Variants in PATJ observed in about 807,000 individuals in gnomAD.
The protein encoded by PATJ is PATJ crumbs cell polarity complex component.
In PATJ, 190 loss-of-function variants were observed where a neutral mutation model predicts 224.9. That is an observed-to-expected ratio of 0.84 (90% CI 0.75 to 0.95). The LOEUF (loss-of-function observed/expected upper bound fraction) is 0.95, where lower values mean the gene tolerates loss of function less well. Ranked by LOEUF, PATJ falls within the 40% of genes least tolerant of loss-of-function variation. PATJ has a pLI of 0.00. For synonymous variants in PATJ, 769 were observed against 820.3 expected (o/e 0.94, Z 1.07); for missense variants, 2,121 against 2,270.3 (o/e 0.93, Z 1.34).
At chr1:61,959,440 T>TATATATAATATATATATATATATA (rs1680943874) in intron 27 of PATJ, among the ~76,000 whole-genome samples, 3 of 72,480 alleles carry the variant, frequency 4.1e-5, no homozygotes, top group Non-Finnish European at 5.4e-5. Context: ...TTTTCTTTTC[T>TATATATAATATATATATATATATA]TTTTTTTTTT....
intron 26 of PATJ, 38 bp downstream of exon 26, chr1:61,914,702 G>GT: frequency 7.3e-7 from 1 of 1,370,088 alleles, no homozygotes; most frequent in Non-Finnish European, 1.0e-6. Flanking sequence ...AAATGTTTTT[G>GT]TTTTGTTTTT....
chr1:61,854,156 G>A (rs540142129), intron 17 of PATJ, among the ~76,000 whole-genome samples: 13 of 152,096 alleles, frequency 8.5e-5, no homozygotes, highest in Non-Finnish European at 1.5e-4. Context: ...AGACATAGCC[G>A]GGAACTTGGC....
At chr1:61,901,559 T>G in intron 24 of PATJ, 100 bp downstream of exon 24, 1 of 781,356 alleles carries the variant, frequency 1.3e-6, no homozygotes, top group African/African-American at 1.9e-5. Flanking sequence ...GGGGACCGTG[T>G]GTGTACAGTT....
intron 28 of PATJ, among the ~76,000 whole-genome samples, chr1:61,994,932 T>C (rs930302198): frequency 2.6e-5 from 4 of 152,226 alleles, no homozygotes; most frequent in African/African-American, 9.6e-5. Flanking sequence ...ATTAAATTCA[T>C]GTGAGAACCA....
intron 10 of PATJ, 22 bp from the exon 11 acceptor site, chr1:61,797,265 A>AAAC (rs747510459): frequency 1.2e-6 from 2 of 1,600,478 alleles, no homozygotes; most frequent in Non-Finnish European, 1.7e-6. Flanking sequence ...ACCTCTGCTT[A>AAAC]ATGTTTCTCT....
chr1:61,861,284 C>CTT, intron 18 of PATJ, among the ~76,000 whole-genome samples: 10 of 48,870 alleles, frequency 2.0e-4, no homozygotes, highest in South Asian at 6.1e-4. Context: ...TTCTTTCTTT[C>CTT]TTTTTTTTTT....
intron 27 of PATJ, among the ~76,000 whole-genome samples, chr1:61,948,244 A>G (rs1178426630): frequency 6.6e-6 from 1 of 152,242 alleles, no homozygotes; most frequent in Non-Finnish European, 1.5e-5. Flanking sequence ...GCTTCTACAC[A>G]GCAAAAGAAA....
At chr1:61,980,846 T>C (rs960912569) in intron 27 of PATJ, among the ~76,000 whole-genome samples, 4 of 152,060 alleles carry the variant, frequency 2.6e-5, no homozygotes, top group Non-Finnish European at 4.4e-5. Context: ...AAGTTTTGAA[T>C]TAAAAACTAA....
At chr1:62,002,981 T>C (rs7526627) in intron 28 of PATJ, among the ~76,000 whole-genome samples, 22,283 of 152,204 alleles carry the variant, frequency 0.15, 2,032 homozygotes, top group Non-Finnish European at 0.21. Flanking sequence ...CATATATCAA[T>C]GTTCTTAGAA....
rs780334466 is a variant in PATJ, at chr1:61,782,673, G to A, written c.850-5081G>A. Among the ~76,000 whole-genome samples, 23 of 152,236 alleles carry A rather than the reference G, an allele frequency of 1.5e-4. 1 individual carries two copies. The highest frequency in any genetic ancestry group is 5.9e-4 in the Admixed American group (9 of 15,288). On this transcript the variant is annotated intron_variant, in intron 7 of 43. Transcript: ENST00000642238. ...AATTCCATGGATAGAGAAATTCTAT[G>A]ATATTAAAAGGGTAGCTAAAAGGCC...
intron 24 of PATJ, among the ~76,000 whole-genome samples, chr1:61,906,113 G>A (rs1671819236): frequency 6.6e-6 from 1 of 152,094 alleles, no homozygotes. Flanking sequence ...TACTAGGGCA[G>A]CTCAGAGAAA....
Position 62,079,575 on chromosome 1 carries a change from T to A in PATJ, c.4243+8T>A. The A allele has an allele frequency of 6.5e-7, 1 of 1,544,544 alleles. No individual in the cohort carries two copies. The highest frequency in any genetic ancestry group is 8.9e-7 in the Non-Finnish European group (1 of 1,118,236). The stretch of plus-strand genomic sequence containing the variant: ...CAGACTTCACAGGCTATGGTATGAT[T>A]CTTTCTCTCAGCAGATCTGGCTCAT... On this transcript the variant is annotated splice_region_variant and intron_variant, in intron 32 of 43. Coordinates refer to ENST00000642238, the MANE Select transcript of PATJ (RefSeq NM_001350145.3).
At chr1:61,990,933 T>C (rs952597836) in intron 28 of PATJ, among the ~76,000 whole-genome samples, 4 of 152,212 alleles carry the variant, frequency 2.6e-5, no homozygotes, top group African/African-American at 9.6e-5. Flanking sequence ...GATAATTTCA[T>C]TAATAATCTG....
intron 27 of PATJ, among the ~76,000 whole-genome samples, chr1:61,954,209 CTT>C (rs1680108103): frequency 6.6e-6 from 1 of 152,156 alleles, no homozygotes; most frequent in African/African-American, 2.4e-5. Context: ...TTTTAATACA[CTT>C]TGGTAGTCTT....
chr1:61,768,339 T>G (rs996547872), intron 4 of PATJ, among the ~76,000 whole-genome samples: 2 of 151,566 alleles, frequency 1.3e-5, no homozygotes, highest in African/African-American at 4.8e-5. Context: ...GCGTGGTGGC[T>G]GGCGCCTGTA....
intron 41 of PATJ, among the ~76,000 whole-genome samples, chr1:62,141,831 G>A (rs1570783033): frequency 1.3e-5 from 2 of 152,008 alleles, no homozygotes; most frequent in East Asian, 1.9e-4. Context: ...TTAGCTGGGC[G>A]TGGTGACACA....
intron 20 of PATJ, among the ~76,000 whole-genome samples, chr1:61,873,114 T>A (rs1470497983): frequency 6.6e-6 from 1 of 152,098 alleles, no homozygotes; most frequent in African/African-American, 2.4e-5. Flanking sequence ...TTATGGTACA[T>A]CCCTAAGGTG....
In PATJ at chr1:62,142,978, C is replaced by T. The variant is rs12239947; in HGVS notation, c.5272-5306C>T. On this transcript the variant is annotated intron_variant, in intron 41 of 43. Coordinates refer to ENST00000642238, the MANE Select transcript of PATJ (RefSeq NM_001350145.3). The stretch of plus-strand genomic sequence containing the variant: ...TATATTTGAAAAGGTAACTGGCTAA[C>T]GTGTGGGAATGAGGTGAGACAAAGG... 9.0e-3 allele frequency among the ~76,000 whole-genome samples: 1,369 copies of T among 152,168 alleles called. 22 individuals are homozygous for T. Among genetic ancestry groups the T allele is most frequent in the African/African-American group, 0.031 (1,268 of 41,510 alleles).
chr1:61,824,410 A>G lies in PATJ; in HGVS notation c.1818+1331A>G, dbSNP rs909752954. Among the ~76,000 whole-genome samples the G allele has an allele frequency of 2.2e-5, 3 of 137,774 alleles. No individual in the cohort carries two copies. The Admixed American group carries it at 2.4e-4, about 11-fold the overall frequency. 90.4% of individuals were successfully genotyped at this position (137,774 alleles called of 152,430 possible). On this transcript the variant is annotated intron_variant, in intron 15 of 43. Coordinates refer to ENST00000642238, the MANE Select transcript of PATJ (RefSeq NM_001350145.3). ...GCAAAATATATATAACATGAAATTT[A>G]CCGTTTTAACCTTTTTTCCTTTTTT...
Sources: gnomAD v4.1 joint callset for allele counts (sites outside exome capture counted in the v4.1 genomes callset) on GRCh38, gnomAD v4.1.1 for gene constraint, MANE v1.5 for transcripts, NCBI Gene and HGNC (gene_info 2026-07-23, HGNC 2026-07-21) for gene names.